UBE2E3: variants seen among roughly 807,000 people sequenced by gnomAD.
UBE2E3 encodes ubiquitin conjugating enzyme E2 E3.
A neutral mutation model predicts 23.6 loss-of-function variants in UBE2E3; 5 were observed. That is an observed-to-expected ratio of 0.21 (90% CI 0.11 to 0.44). The LOEUF is 0.44. Among genes scored for constraint, UBE2E3 ranks in the 20% least tolerant of loss-of-function variants. UBE2E3 has a pLI of 0.99. For synonymous variants in UBE2E3, 78 were observed against 87.5 expected (o/e 0.89, Z 0.60); for missense variants, 81 against 249.8 (o/e 0.32, Z 4.55).
chr2:181,024,119 A>G (rs1189631703), intron 3 of UBE2E3, among the ~76,000 whole-genome samples: 2 of 152,098 alleles, frequency 1.3e-5, no homozygotes, highest in African/African-American at 2.4e-5. Context: ...GTCCTTCACT[A>G]TGAGTGAGCC....
intron 3 of UBE2E3, among the ~76,000 whole-genome samples, chr2:181,040,006 G>A (rs1266312706): frequency 1.3e-5 from 2 of 152,120 alleles, no homozygotes; most frequent in African/African-American, 2.4e-5. Flanking sequence ...TTGAATCTGT[G>A]TATGTAGAAC....
chr2:181,061,491 T>C (rs1397916242), intron 5 of UBE2E3, among the ~76,000 whole-genome samples: 1 of 144,062 alleles, frequency 6.9e-6, no homozygotes, highest in Non-Finnish European at 1.6e-5. Context: ...CCTTCCATGC[T>C]GCTGTATGCT....
intron 3 of UBE2E3, among the ~76,000 whole-genome samples, chr2:180,986,803 A>G (rs1469252943): frequency 6.6e-6 from 1 of 152,136 alleles, no homozygotes; most frequent in Non-Finnish European, 1.5e-5. Context: ...AATGTAAAGT[A>G]TATCTGTGTA....
chr2:181,013,395 C>T (rs1358360302), intron 3 of UBE2E3, among the ~76,000 whole-genome samples: 1 of 151,184 alleles, frequency 6.6e-6, no homozygotes, highest in African/African-American at 2.4e-5. Flanking sequence ...TGTCTGAAGA[C>T]TTGATGAGAT....
chr2:180,996,273 A>G (rs931456339), intron 3 of UBE2E3, among the ~76,000 whole-genome samples: 4 of 152,178 alleles, frequency 2.6e-5, no homozygotes, highest in Admixed American at 2.6e-4. Context: ...GTTGTTTCAA[A>G]CATGACATTC....
intron 3 of UBE2E3, among the ~76,000 whole-genome samples, chr2:181,014,387 G>C (rs1401127): frequency 1.7e-3 from 258 of 152,312 alleles, no homozygotes; most frequent in African/African-American, 5.6e-3. Flanking sequence ...TAGGTGTATA[G>C]ATGGCAGTAT....
intron 3 of UBE2E3, among the ~76,000 whole-genome samples, chr2:181,029,173 A>G (rs906079024): frequency 6.6e-6 from 1 of 151,526 alleles, no homozygotes; most frequent in African/African-American, 2.4e-5. Context: ...CTATTCATCA[A>G]GTTGTCTATC....
At chr2:181,029,435 CATTT>C (rs1686001011) in intron 3 of UBE2E3, among the ~76,000 whole-genome samples, 1 of 152,080 alleles carries the variant, frequency 6.6e-6, no homozygotes, top group Non-Finnish European at 1.5e-5. Flanking sequence ...GTATCACCCT[CATTT>C]ATTTAGGATT....
At chr2:181,045,447 A>G (rs564640701) in intron 3 of UBE2E3, among the ~76,000 whole-genome samples, 1 of 152,190 alleles carries the variant, frequency 6.6e-6, no homozygotes, top group African/African-American at 2.4e-5. Context: ...CCAGGCAATT[A>G]TGTCACATCT....
At chr2:180,998,715 G>A (rs1331963857) in intron 3 of UBE2E3, among the ~76,000 whole-genome samples, 1 of 152,056 alleles carries the variant, frequency 6.6e-6, no homozygotes, top group East Asian at 1.9e-4. Context: ...GCATCAAATT[G>A]TGGTGCAAAC....
At chr2:180,992,569 G>T (rs750493208) in intron 3 of UBE2E3, among the ~76,000 whole-genome samples, 12 of 152,164 alleles carry the variant, frequency 7.9e-5, no homozygotes, top group Non-Finnish European at 1.3e-4. Flanking sequence ...GTATCTTGTA[G>T]CTCTGACATT....
chr2:181,045,156 T>C (rs1356225158), intron 3 of UBE2E3, among the ~76,000 whole-genome samples: 2 of 152,300 alleles, frequency 1.3e-5, no homozygotes, highest in Non-Finnish European at 1.5e-5. Flanking sequence ...GACAAATGTG[T>C]AAGCAAAATT....
At chr2:181,025,142 A>G (rs2105634751) in intron 3 of UBE2E3, among the ~76,000 whole-genome samples, 1 of 152,100 alleles carries the variant, frequency 6.6e-6, no homozygotes, top group South Asian at 2.1e-4. Flanking sequence ...TAGGGGCACG[A>G]GTGGTTTGAA....
chr2:181,032,952 C>T (rs1686130032), intron 3 of UBE2E3, among the ~76,000 whole-genome samples: 1 of 152,072 alleles, frequency 6.6e-6, no homozygotes, highest in Admixed American at 6.6e-5. Context: ...GAATAAAATA[C>T]CTAGGAATCC....
chr2:181,038,334 G>A (rs1201274146), intron 3 of UBE2E3, among the ~76,000 whole-genome samples: 1 of 152,208 alleles, frequency 6.6e-6, no homozygotes, highest in Non-Finnish European at 1.5e-5. Context: ...TAACCTAAGT[G>A]TGTAGTAGGC....
chr2:181,039,892 A>G (rs551201631), intron 3 of UBE2E3, among the ~76,000 whole-genome samples: 2 of 152,324 alleles, frequency 1.3e-5, no homozygotes, highest in Admixed American at 1.3e-4. Flanking sequence ...TTGATTACTT[A>G]TAATACCAAA....
chr2:181,022,915 A>G (rs1559124923), intron 3 of UBE2E3, among the ~76,000 whole-genome samples: 1 of 152,216 alleles, frequency 6.6e-6, no homozygotes, highest in Non-Finnish European at 1.5e-5. Flanking sequence ...CCTTCAACTT[A>G]CAATGGGGCT....
intron 2 of UBE2E3, 87 bp downstream of exon 2, chr2:180,982,323 G>A (rs2105560524): frequency 8.4e-7 from 1 of 1,195,536 alleles, no homozygotes; most frequent in Non-Finnish European, 1.2e-6. Flanking sequence ...CTCAATAGCA[G>A]TAGTTCAGAA....
Position 180,987,085 on chromosome 2 carries a change from C to T in UBE2E3, c.245+2992C>T, listed in dbSNP as rs112671219. 1.1e-4 allele frequency among the ~76,000 whole-genome samples: 16 copies of T among 152,020 alleles called. 1 individual carries two copies. The highest frequency in any genetic ancestry group is 3.9e-4 in the African/African-American group (16 of 41,452). ...AAAAGTTTGATAATGACGTTATTTC[C>T]AGTGATTTGATGTTATTTTAAATGG... is the stretch of plus-strand genomic sequence containing the variant. On this transcript the variant is annotated intron_variant, in intron 3 of 5. Coordinates refer to ENST00000410062, the MANE Select transcript of UBE2E3 (RefSeq NM_006357.4).
Sources: gnomAD v4.1 joint callset for allele counts (sites outside exome capture counted in the v4.1 genomes callset) on GRCh38, gnomAD v4.1.1 for gene constraint, MANE v1.5 for transcripts, NCBI Gene and HGNC (gene_info 2026-07-23, HGNC 2026-07-21) for gene names.